RBMS1: variants seen among roughly 807,000 people sequenced by gnomAD.
RBMS1 encodes the protein RNA-binding motif, single-stranded-interacting protein 1.
Under a neutral mutation model 62.3 loss-of-function variants are expected in RBMS1, and 17 were observed. That is an observed-to-expected ratio of 0.27 (90% CI 0.19 to 0.41). The LOEUF is 0.41. RBMS1 is among the 10% of genes least tolerant of loss of function. The probability of loss-of-function intolerance (pLI) is 1.00; values close to 1 mark genes in which losing one functional copy is unlikely to be tolerated. For missense variants in RBMS1, 334 were observed against 504.5 expected, an observed-to-expected ratio of 0.66 and a Z score of 3.24; for synonymous variants, 172 against 170.0, an observed-to-expected ratio of 1.01 and a Z score of -0.09.
intron 2 of RBMS1, among the ~76,000 whole-genome samples, chr2:160,345,819 T>C (rs1692143426): frequency 6.6e-6 from 1 of 152,036 alleles, no homozygotes; most frequent in Non-Finnish European, 1.5e-5. Context: ...CAGAAGTGGG[T>C]GGTGAGTAGT....
At chr2:160,477,831 G>C (rs1242932154) in intron 1 of RBMS1, among the ~76,000 whole-genome samples, 1 of 152,104 alleles carries the variant, frequency 6.6e-6, no homozygotes, top group Non-Finnish European at 1.5e-5. Context: ...TAATCCACAT[G>C]ACTTTTAAGG....
chr2:160,275,772 T>C, intron 12 of RBMS1, 58 bp from the exon 13 acceptor site: 1 of 1,610,060 alleles, frequency 6.2e-7, no homozygotes, highest in Non-Finnish European at 8.5e-7. Context: ...TCAGCTCTGC[T>C]ACTTAGGCCT....
rs528619518 is a variant in RBMS1 at position 160,434,746 on chromosome 2, A to G, written c.75+58543T>C. On this transcript the variant is annotated intron_variant, in intron 1 of 13. Transcript: ENST00000348849. ...TAATTAACTAAATCCCTGAAAAATG[A>G]AACTATTGTTTATGATCAGTTAAAT... Among the ~76,000 whole-genome samples the G allele has an allele frequency of 6.6e-5, 10 of 152,360 alleles. No homozygotes were observed. In the South Asian group the frequency reaches 1.4e-3, roughly 22 times the overall value.
intron 1 of RBMS1, among the ~76,000 whole-genome samples, chr2:160,488,544 C>G (rs1305957447): frequency 2.6e-5 from 4 of 152,108 alleles, no homozygotes; most frequent in Non-Finnish European, 5.9e-5. Flanking sequence ...CCACCACACT[C>G]CAGCCTGGGC....
Position 160,272,660 on chromosome 2 carries a change from TAC to T in RBMS1, c.*2110_*2111del, listed in dbSNP as rs1231769542. Reference sequence around the variant, plus strand: ...GACCCAGGTTTATAACTGTACTAGGTACACAGAGGGTGCTGCGTTCAGTCTGG... The same window carrying T: ...GACCCAGGTTTATAACTGTACTAGGTACAGAGGGTGCTGCGTTCAGTCTGG... On this transcript the variant is annotated 3_prime_UTR_variant, in exon 14 of 14. Transcript: ENST00000348849. The T allele has an allele frequency of 2.6e-5, 4 of 152,200 alleles. No individual in the cohort carries two copies. Among genetic ancestry groups the T allele is most frequent in the African/African-American group, 9.7e-5 (4 of 41,448 alleles). 9.4% of individuals were successfully genotyped at this position (152,200 alleles called of 1,614,324 possible).
intron 2 of RBMS1, among the ~76,000 whole-genome samples, chr2:160,319,183 A>T (rs2105970597): frequency 6.6e-6 from 1 of 152,326 alleles, no homozygotes; most frequent in South Asian, 2.1e-4. Flanking sequence ...GAGGAAAAAA[A>T]GTTTTGAAAG....
intron 2 of RBMS1, among the ~76,000 whole-genome samples, chr2:160,327,707 T>G (rs1007305979): frequency 2.6e-5 from 4 of 152,124 alleles, no homozygotes; most frequent in African/African-American, 9.7e-5. Context: ...CAGACCCAAA[T>G]TAGTGCTCCC....
chr2:160,390,717 G>T (rs1250981173), intron 1 of RBMS1, among the ~76,000 whole-genome samples: 1 of 148,256 alleles, frequency 6.7e-6, no homozygotes, highest in Non-Finnish European at 1.5e-5. Flanking sequence ...AAAGCAACGA[G>T]GAACTTTTGG....
At chr2:160,328,129 T>C (rs192433616) in intron 2 of RBMS1, among the ~76,000 whole-genome samples, 192 of 152,302 alleles carry the variant, frequency 1.3e-3, no homozygotes, top group African/African-American at 4.3e-3. Flanking sequence ...GTGTAGTTAG[T>C]TGCCTGGCCT....
intron 1 of RBMS1, among the ~76,000 whole-genome samples, chr2:160,408,222 G>A (rs1213936729): frequency 6.6e-6 from 1 of 151,400 alleles, no homozygotes; most frequent in African/African-American, 2.4e-5. Flanking sequence ...TTTGCACCCC[G>A]GCTCGAAGCC....
At chr2:160,461,136 G>T (rs1358319914) in intron 1 of RBMS1, among the ~76,000 whole-genome samples, 1 of 151,996 alleles carries the variant, frequency 6.6e-6, no homozygotes, top group Non-Finnish European at 1.5e-5. Flanking sequence ...TGTGGTCCCA[G>T]CAACAAAGGG....
At chr2:160,419,815 A>G (rs1259800605) in intron 1 of RBMS1, among the ~76,000 whole-genome samples, 1 of 152,182 alleles carries the variant, frequency 6.6e-6, no homozygotes, top group Admixed American at 6.5e-5. Context: ...AGAAAATGGG[A>G]AAAAAACCAA....
intron 2 of RBMS1, among the ~76,000 whole-genome samples, chr2:160,366,359 C>T (rs1479655703): frequency 1.3e-5 from 2 of 152,166 alleles, no homozygotes; most frequent in African/African-American, 4.8e-5. Context: ...AGGAAACATT[C>T]TCTAGCAAAA....
At chr2:160,284,558 G>A in intron 9 of RBMS1, 1 of 537,478 alleles carries the variant, frequency 1.9e-6, no homozygotes, top group Non-Finnish European at 3.4e-6. Context: ...TGATTCCAAG[G>A]ACTGACCACT....
At chr2:160,340,805 G>A (rs1691826562) in intron 2 of RBMS1, among the ~76,000 whole-genome samples, 1 of 152,118 alleles carries the variant, frequency 6.6e-6, no homozygotes, top group Non-Finnish European at 1.5e-5. Flanking sequence ...CCATAGGCAT[G>A]TTAGTAAACA....
chr2:160,319,116 C>T (rs1690398511), intron 2 of RBMS1, among the ~76,000 whole-genome samples: 1 of 152,190 alleles, frequency 6.6e-6, no homozygotes, highest in Non-Finnish European at 1.5e-5. Flanking sequence ...ACACTCTCTC[C>T]ATAGTGGCCA....
intron 1 of RBMS1, among the ~76,000 whole-genome samples, chr2:160,441,623 G>A (rs1315738033): frequency 6.6e-6 from 1 of 152,184 alleles, no homozygotes; most frequent in Non-Finnish European, 1.5e-5. Flanking sequence ...TACTAGGGAG[G>A]CTATGGCAGG....
At chr2:160,278,431 G>A (rs1012098996) in intron 11 of RBMS1, 117 bp downstream of exon 11, 7 of 816,134 alleles carry the variant, frequency 8.6e-6, no homozygotes, top group African/African-American at 5.1e-5. Flanking sequence ...GGGGGGAAGA[G>A]AGGGGATTAG....
chr2:160,340,477 A>G (rs900155748), intron 2 of RBMS1, among the ~76,000 whole-genome samples: 4 of 152,148 alleles, frequency 2.6e-5, no homozygotes, highest in Non-Finnish European at 4.4e-5. Context: ...AGCATACCTC[A>G]GGGTACATGG....
Sources: gnomAD v4.1 joint callset for allele counts (sites outside exome capture counted in the v4.1 genomes callset) on GRCh38, gnomAD v4.1.1 for gene constraint, MANE v1.5 for transcripts, NCBI Gene and HGNC (gene_info 2026-07-23, HGNC 2026-07-21) for gene names.